SVIL: variants seen among roughly 807,000 people sequenced by gnomAD.
SVIL encodes the protein archvillin.
A neutral mutation model predicts 240.4 loss-of-function variants in SVIL; 101 were observed. The observed-to-expected ratio is 0.42, with a 90% CI of 0.36 to 0.50. The LOEUF (loss-of-function observed/expected upper bound fraction) is 0.50. Among genes scored for constraint, SVIL ranks in the 20% least tolerant of loss-of-function variants. The pLI is 0.01. For synonymous variants in SVIL, 999 were observed against 1,100.0 expected, an observed-to-expected ratio of 0.91 and a Z score of 1.82; for missense variants, 2,512 against 2,818.7, an observed-to-expected ratio of 0.89 and a Z score of 2.46.
chr10:29,600,572 A>T (rs1956773583), intron 1 of SVIL, among the ~76,000 whole-genome samples: 1 of 152,086 alleles, frequency 6.6e-6, no homozygotes, highest in Admixed American at 6.6e-5. Context: ...GACTGTAAGA[A>T]CTCACCATTT....
chr10:29,529,786 G>T lies in SVIL; in HGVS notation c.2165C>A (p.Ala722Asp). 1.2e-6 allele frequency: 2 copies of T among 1,613,772 alleles called. No individual in the cohort carries two copies. The highest frequency in any genetic ancestry group is 1.7e-6 in the Non-Finnish European group (2 of 1,179,878). ...NVPKRRSRNT[A>D]VEQRLRRLQD... ...CAGACGGCGTAGCCTCTGCTCCACA[G>T]CTGTGTTTCTTGAGCGTCGCTTTGG... Residue 722 changes from alanine to aspartate, a missense_variant, in exon 12 of 38, where the codon GCT becomes GAT. Around this residue, in one of 3 missense-constraint regions of SVIL, gnomAD observed 1,443 missense variants for 1,486.6 expected, o/e 0.97. Coordinates refer to ENST00000355867, the MANE Select transcript of SVIL (RefSeq NM_021738.3).
intron 29 of SVIL, among the ~76,000 whole-genome samples, chr10:29,474,896 C>G (rs1045415828): frequency 2.0e-5 from 3 of 152,188 alleles, no homozygotes; most frequent in African/African-American, 2.4e-5. Flanking sequence ...TGAGCATAAA[C>G]TAATCTGGAT....
chr10:29,484,973 G>A lies in SVIL; in HGVS notation c.4780-142C>T. On this transcript the variant is annotated intron_variant, in intron 26 of 37. Coordinates refer to ENST00000355867, the MANE Select transcript of SVIL (RefSeq NM_021738.3). The surrounding 1 kb of genome is among the most constrained non-coding windows in gnomAD (Gnocchi z 4.7). ...GGGGCGACCAACACAGACACAAAAA[G>A]GCCAGGAGATCTCAGCTGGCACTGC... 7.8e-6 allele frequency: 7 copies of A among 894,204 alleles called. No homozygotes were observed. Among genetic ancestry groups the A allele is most frequent in the Non-Finnish European group, 1.1e-5 (7 of 613,500 alleles). 55.4% of individuals were successfully genotyped at this position (894,204 alleles called of 1,614,324 possible).
At chr10:29,557,459 A>C (rs2026668) in intron 3 of SVIL, among the ~76,000 whole-genome samples, 1 of 151,906 alleles carries the variant, frequency 6.6e-6, no homozygotes, top group Admixed American at 6.6e-5. Context: ...ACCGTTAATA[A>C]ACCGAGTATC....
At chr10:29,696,336 C>A (rs188607745) in intron 1 of SVIL, among the ~76,000 whole-genome samples, 27 of 151,998 alleles carry the variant, frequency 1.8e-4, no homozygotes, top group African/African-American at 6.3e-4. Flanking sequence ...CCTTGGCCCC[C>A]CAAAGTGCGG....
At chr10:29,547,370 C>T (rs1199353523) in intron 6 of SVIL, among the ~76,000 whole-genome samples, 1 of 152,070 alleles carries the variant, frequency 6.6e-6, no homozygotes, top group Non-Finnish European at 1.5e-5. Context: ...GCCTGTGAAT[C>T]ATAGAATTGT....
chr10:29,707,996 G>A (rs1250503706), intron 1 of SVIL, among the ~76,000 whole-genome samples: 2 of 152,162 alleles, frequency 1.3e-5, no homozygotes. Context: ...GGTGGCTCAC[G>A]CCTGTAATCC....
intron 11 of SVIL, 67 bp downstream of exon 11, chr10:29,530,540 C>A (rs1951284540): frequency 6.4e-7 from 1 of 1,571,474 alleles, no homozygotes. Context: ...CCTGCCTTGG[C>A]CTCTCAAATA....
intron 22 of SVIL, 118 bp downstream of exon 22, chr10:29,490,729 A>T (rs1947878013): frequency 6.4e-6 from 8 of 1,258,768 alleles, no homozygotes; most frequent in African/African-American, 3.0e-5. Flanking sequence ...TTTTTACTTC[A>T]TGAGGGTCTT....
chr10:29,734,686 T>C (rs1964798047), intron 1 of SVIL, among the ~76,000 whole-genome samples: 1 of 152,134 alleles, frequency 6.6e-6, no homozygotes, highest in African/African-American at 2.4e-5. Context: ...ATTCCATCGA[T>C]TGACTGCGAG....
intron 1 of SVIL, among the ~76,000 whole-genome samples, chr10:29,616,191 C>T (rs1326385119): frequency 6.6e-6 from 1 of 152,180 alleles, no homozygotes; most frequent in Non-Finnish European, 1.5e-5. Flanking sequence ...GTGTGTGCCA[C>T]CTTGCCCAGC....
Position 29,526,931 on chromosome 10 carries a change from G to C in SVIL, c.2342+30C>G. The C allele has an allele frequency of 4.0e-6, 6 of 1,508,606 alleles. No individual in the cohort carries two copies. In the South Asian group the frequency reaches 5.2e-5, roughly 13 times the overall value. The allele number at this position is 1,508,606 out of a possible 1,614,324, so 93.5% of individuals were successfully genotyped here. ...CTGCTGTTCGGCACCTTTGCACCGG[G>C]TGCCGCATGCATCTGTATCTGTCCA... On this transcript the variant is annotated intron_variant, in intron 13 of 37. Coordinates refer to ENST00000355867, the MANE Select transcript of SVIL (RefSeq NM_021738.3).
chr10:29,472,748 C>T (rs1430135149), intron 30 of SVIL, among the ~76,000 whole-genome samples: 1 of 152,122 alleles, frequency 6.6e-6, no homozygotes, highest in Non-Finnish European at 1.5e-5. Flanking sequence ...GCAGCAGTCC[C>T]TCCCAGGCAC....
At chr10:29,512,623 A>T in intron 17 of SVIL, 112 bp downstream of exon 17, 3 of 1,587,226 alleles carry the variant, frequency 1.9e-6, no homozygotes, top group Non-Finnish European at 2.6e-6. Context: ...CTAAGGGCAA[A>T]AATGCACAAA....
chr10:29,635,243 G>A (rs1199095876), upstream of SVIL, among the ~76,000 whole-genome samples: 1 of 151,956 alleles, frequency 6.6e-6, no homozygotes, highest in African/African-American at 2.4e-5. Flanking sequence ...GTTTTTTTAG[G>A]CTAAAAAAAG....
Position 29,562,773 on chromosome 10 carries a change from A to AG in SVIL, c.-51+427_-51+428insC, listed in dbSNP as rs1400966270. On this transcript the variant is annotated intron_variant, in intron 3 of 37. Coordinates refer to ENST00000355867, the MANE Select transcript of SVIL (RefSeq NM_021738.3). ...GAGACTCCGTCTCAAAAAAAAGAAA[A>AG]AAAAAAAAAAAAAAAAAAAAAAAGA... 1.9e-3 allele frequency among the ~76,000 whole-genome samples: 256 copies of AG among 132,662 alleles called. 13 individuals are homozygous for AG. The South Asian group carries it at 0.062, about 32-fold the overall frequency. 87.0% of individuals were successfully genotyped at this position (132,662 alleles called of 152,430 possible).
intron 16 of SVIL, 147 bp from the exon 17 acceptor site, chr10:29,513,008 G>A: frequency 8.1e-7 from 1 of 1,231,004 alleles, no homozygotes; most frequent in Non-Finnish European, 1.1e-6. Flanking sequence ...TTATTCGGAA[G>A]ACAGCATGTC....
At chr10:29,493,117 A>G (rs1346485785) in intron 21 of SVIL, 97 bp downstream of exon 21, 2 of 1,364,314 alleles carry the variant, frequency 1.5e-6, no homozygotes, top group Admixed American at 2.4e-5. Context: ...TAGAAGGAGA[A>G]GGAGGCCACA....
At chr10:29,725,402 C>T (rs1385977725) in intron 1 of SVIL, among the ~76,000 whole-genome samples, 1 of 152,130 alleles carries the variant, frequency 6.6e-6, no homozygotes, top group Non-Finnish European at 1.5e-5. Flanking sequence ...ACCACAGAGC[C>T]TTGCAATCCT....
Sources: gnomAD v4.1 joint callset for allele counts (sites outside exome capture counted in the v4.1 genomes callset) on GRCh38, gnomAD v4.1.1 for gene constraint, gnomAD v4.1.1 regional missense constraint, Gnocchi (gnomAD v3.1) non-coding constraint, MANE v1.5 for transcripts, NCBI Gene and HGNC (gene_info 2026-07-23, HGNC 2026-07-21) for gene names.